Variants in MCPH1 observed in about 807,000 individuals in gnomAD.
The protein encoded by MCPH1 is microcephalin.
Under a neutral mutation model 84.5 loss-of-function variants are expected in MCPH1, and 104 were observed. That is an observed-to-expected ratio of 1.23 (90% confidence interval 1.05 to 1.45). The LOEUF (loss-of-function observed/expected upper bound fraction) is 1.45, where lower values mean the gene tolerates loss of function less well. MCPH1 is among the 40% of genes most tolerant of loss of function. MCPH1 has a pLI of 0.00. For synonymous variants in MCPH1, 514 were observed against 366.8 expected (o/e 1.40, Z -4.58); for missense variants, 1,498 against 1,005.7 (o/e 1.49, Z -6.62).
intron 9 of MCPH1, among the ~76,000 whole-genome samples, chr8:6,461,608 G>C (rs1380582997): frequency 6.6e-6 from 1 of 151,924 alleles, no homozygotes; most frequent in Non-Finnish European, 1.5e-5. Context: ...CCAAAGTGCT[G>C]GGATTACAGG....
chr8:6,605,553 G>A (rs1829699302), intron 12 of MCPH1, among the ~76,000 whole-genome samples: 1 of 152,200 alleles, frequency 6.6e-6, no homozygotes, highest in Admixed American at 6.5e-5. Flanking sequence ...ACAATACTGT[G>A]CTTTGAGTAG....
chr8:6,524,769 T>G (rs1239331391), intron 12 of MCPH1, among the ~76,000 whole-genome samples: 2 of 152,320 alleles, frequency 1.3e-5, no homozygotes, highest in East Asian at 1.9e-4. Context: ...CTTGTGGCCA[T>G]GTAAGGTCTG....
At chr8:6,537,242 G>C (rs866734114) in intron 12 of MCPH1, among the ~76,000 whole-genome samples, 6 of 152,242 alleles carry the variant, frequency 3.9e-5, no homozygotes, top group Middle Eastern at 6.8e-3. Context: ...AGCGTGATCT[G>C]TAGGCACACG....
chr8:6,528,643 AT>A lies in MCPH1; in HGVS notation c.2214+28716del, dbSNP rs1362528772. Among the ~76,000 whole-genome samples, 19 of 152,334 alleles carry A rather than the reference AT, an allele frequency of 1.2e-4. No individual in the cohort carries two copies. In the East Asian group the frequency reaches 1.9e-3, roughly 15 times the overall value. On this transcript the variant is annotated intron_variant, in intron 12 of 13. Transcript: ENST00000344683. ...CATGAGCAGTGCGGCTCTCCCGCGG[AT>A]TCTCTAGCGCCTGGTTGCCCTTCAG...
At chr8:6,491,293 A>G (rs1563280845) in intron 11 of MCPH1, among the ~76,000 whole-genome samples, 1 of 151,412 alleles carries the variant, frequency 6.6e-6, no homozygotes, top group African/African-American at 2.4e-5. Context: ...AATAATTTAC[A>G]CAATTCCAGA....
At chr8:6,533,540 C>A (rs1280364334) in intron 12 of MCPH1, among the ~76,000 whole-genome samples, 1 of 141,922 alleles carries the variant, frequency 7.0e-6, no homozygotes, top group South Asian at 2.3e-4. Flanking sequence ...ATTGTGTATG[C>A]GTAACTCCAG....
intron 12 of MCPH1, among the ~76,000 whole-genome samples, chr8:6,560,853 A>T (rs947218821): frequency 4.6e-5 from 7 of 152,240 alleles, no homozygotes; most frequent in Admixed American, 1.3e-4. Flanking sequence ...TACCTAATGT[A>T]AGTTAATTAA....
chr8:6,443,024 T>C (rs1339778199), intron 7 of MCPH1, among the ~76,000 whole-genome samples: 1 of 152,260 alleles, frequency 6.6e-6, no homozygotes, highest in African/African-American at 2.4e-5. Flanking sequence ...AAACAAGTGA[T>C]AATAATAGCT....
chr8:6,494,513 G>T (rs1433192658), intron 11 of MCPH1: 9 of 152,126 alleles, frequency 5.9e-5, no homozygotes, highest in African/African-American at 2.2e-4. Context: ...CCTAAATAAA[G>T]TACTCAGTAA....
chr8:6,635,312 C>G (rs143060329), intron 13 of MCPH1: 1 of 152,248 alleles, frequency 6.6e-6, no homozygotes, highest in Non-Finnish European at 1.5e-5. Context: ...AAAAAGCACC[C>G]GTGGACAGCG....
At chr8:6,570,224 T>C (rs1826544300) in intron 12 of MCPH1, among the ~76,000 whole-genome samples, 1 of 152,206 alleles carries the variant, frequency 6.6e-6, no homozygotes, top group Admixed American at 6.5e-5. Context: ...TTGAGCACAA[T>C]TTCCTGTTCT....
intron 2 of MCPH1, among the ~76,000 whole-genome samples, chr8:6,412,253 T>C (rs1246951124): frequency 1.3e-5 from 2 of 152,178 alleles, no homozygotes; most frequent in Non-Finnish European, 2.9e-5. Context: ...GTCTGCATGT[T>C]GCACATGCCT....
intron 12 of MCPH1, among the ~76,000 whole-genome samples, chr8:6,615,387 T>C (rs1178056722): frequency 1.3e-5 from 2 of 152,188 alleles, no homozygotes; most frequent in Non-Finnish European, 2.9e-5. Context: ...CCTCAGAACT[T>C]AGCCTGATAC....
chr8:6,492,715 T>G (rs1203810823), intron 11 of MCPH1, among the ~76,000 whole-genome samples: 3 of 140,762 alleles, frequency 2.1e-5, no homozygotes, highest in Non-Finnish European at 4.6e-5. Context: ...ATAAATATTT[T>G]ATATTAAATT....
intron 11 of MCPH1, 42 bp downstream of exon 11, chr8:6,480,918 T>C (rs1809141662): frequency 1.2e-6 from 2 of 1,606,312 alleles, no homozygotes; most frequent in East Asian, 4.5e-5. Context: ...AACAAGGCAT[T>C]TTGATAGAGT....
intron 9 of MCPH1, among the ~76,000 whole-genome samples, chr8:6,474,478 C>T (rs1185723412): frequency 1.3e-5 from 2 of 152,016 alleles, no homozygotes; most frequent in Non-Finnish European, 1.5e-5. Context: ...AAAAAAATTG[C>T]ACCACTGCAC....
intron 12 of MCPH1, chr8:6,507,818 G>C (rs1318227752): frequency 7.0e-6 from 1 of 143,494 alleles, no homozygotes; most frequent in Admixed American, 6.9e-5. Context: ...CCTAACTTCA[G>C]GTGATCCGCC....
chr8:6,647,663 G>A lies in MCPH1; in HGVS notation c.*4614G>A, dbSNP rs1309619409. On this transcript the variant is annotated 3_prime_UTR_variant, in exon 14 of 14. Coordinates refer to ENST00000344683, the MANE Select transcript of MCPH1 (RefSeq NM_024596.5). ...TAAGTGAAAGAGGTCAGACACAAAA[G>A]ACTACAAATTGTAAGATTCCATTTA... The A allele has an allele frequency of 2.6e-5, 4 of 152,168 alleles. No homozygotes were observed. The highest frequency in any genetic ancestry group is 9.7e-5 in the African/African-American group (4 of 41,430). 9.4% of individuals were successfully genotyped at this position (152,168 alleles called of 1,614,324 possible).
At chr8:6,613,840 C>A (rs1830531507) in intron 12 of MCPH1, among the ~76,000 whole-genome samples, 1 of 152,096 alleles carries the variant, frequency 6.6e-6, no homozygotes, top group Admixed American at 6.5e-5. Flanking sequence ...CAGCCAGGGG[C>A]AGGGATGCTT....
Sources: gnomAD v4.1 joint callset for allele counts (sites outside exome capture counted in the v4.1 genomes callset) on GRCh38, gnomAD v4.1.1 for gene constraint, MANE v1.5 for transcripts, NCBI Gene and HGNC (gene_info 2026-07-23, HGNC 2026-07-21) for gene names.